PTPRQ: variants seen among roughly 807,000 people sequenced by gnomAD.
PTPRQ encodes protein tyrosine phosphatase receptor type Q.
PTPRQ carries 199 observed loss-of-function variants against 246.0 expected under a neutral mutation model. That is an observed-to-expected ratio of 0.81 (90% CI 0.72 to 0.91). PTPRQ has a LOEUF of 0.91. Ranked by LOEUF, PTPRQ falls within the 40% of genes least tolerant of loss-of-function variation. The pLI is 0.00. For synonymous variants in PTPRQ, 869 were observed against 853.2 expected (o/e 1.02, Z -0.32); for missense variants, 2,624 against 2,528.4 (o/e 1.04, Z -0.81).
At chr12:80,661,867 G>A (rs1274075806) in intron 39 of PTPRQ, among the ~76,000 whole-genome samples, 2 of 151,730 alleles carry the variant, frequency 1.3e-5, no homozygotes, top group Non-Finnish European at 2.9e-5. Flanking sequence ...TTTACAAATA[G>A]TATTCAAAAT....
At chr12:80,508,468 T>C (rs1240187555) in intron 16 of PTPRQ, among the ~76,000 whole-genome samples, 2 of 151,888 alleles carry the variant, frequency 1.3e-5, no homozygotes, top group Non-Finnish European at 2.9e-5. Context: ...AGCTGTGACA[T>C]GAAAATGAAT....
intron 17 of PTPRQ, chr12:80,525,851 T>C (rs891741258): frequency 1.3e-5 from 2 of 152,144 alleles, no homozygotes; most frequent in Non-Finnish European, 2.9e-5. Context: ...ACTTGACCTA[T>C]TGAAAAGCTC....
chr12:80,582,667 T>G (rs1282754225), intron 25 of PTPRQ, among the ~76,000 whole-genome samples: 2 of 152,134 alleles, frequency 1.3e-5, no homozygotes, highest in African/African-American at 4.8e-5. Context: ...GAAATAAATT[T>G]CTGTTGTTTG....
intron 10 of PTPRQ, 62 bp from the exon 11 acceptor site, chr12:80,494,871 A>T: frequency 6.8e-7 from 1 of 1,472,292 alleles, no homozygotes; most frequent in East Asian, 2.5e-5. Context: ...CTAAGAAAAA[A>T]ATAATTTTGA....
chr12:80,591,008 A>G (rs1304070667), intron 26 of PTPRQ, among the ~76,000 whole-genome samples: 4 of 152,074 alleles, frequency 2.6e-5, no homozygotes, highest in Non-Finnish European at 4.4e-5. Flanking sequence ...TGACCACTCA[A>G]TCTAAAAATA....
intron 8 of PTPRQ, among the ~76,000 whole-genome samples, chr12:80,480,804 C>G (rs1325659355): frequency 1.3e-5 from 2 of 152,194 alleles, no homozygotes; most frequent in African/African-American, 2.4e-5. Flanking sequence ...GACACATACA[C>G]TCTCCCAAGA....
At position 80,506,223 on chromosome 12, in the gene PTPRQ, A is replaced by T. The variant is rs1429254607; in HGVS notation, c.2455+17A>T. Reference sequence around the variant, plus strand: ...ACATTAAAGGTAAAAGAACAAATCTAATATTGGATATTTGCATTTATAATG... The same window carrying T: ...ACATTAAAGGTAAAAGAACAAATCTTATATTGGATATTTGCATTTATAATG... On this transcript the variant is annotated intron_variant, in intron 15 of 44. Transcript: ENST00000644991. The T allele has an allele frequency of 1.2e-5, 18 of 1,446,250 alleles. No individual in the cohort carries two copies. Among genetic ancestry groups the T allele is most frequent in the Non-Finnish European group, 1.6e-5 (18 of 1,093,268 alleles). 89.6% of individuals were successfully genotyped at this position (1,446,250 alleles called of 1,614,324 possible).
At chr12:80,544,187 C>G (rs1392343267) in intron 23 of PTPRQ, among the ~76,000 whole-genome samples, 2 of 152,022 alleles carry the variant, frequency 1.3e-5, no homozygotes, top group Non-Finnish European at 2.9e-5. Context: ...TTGCTTACCT[C>G]TTAATGCAAA....
intron 6 of PTPRQ, among the ~76,000 whole-genome samples, chr12:80,464,077 T>A (rs1893309633): frequency 6.6e-6 from 1 of 151,642 alleles, no homozygotes; most frequent in African/African-American, 2.4e-5. Flanking sequence ...GACTGGCAAA[T>A]TAGATAAAGA....
chr12:80,483,755 C>T (rs1008903282), intron 8 of PTPRQ, among the ~76,000 whole-genome samples: 2 of 151,616 alleles, frequency 1.3e-5, no homozygotes, highest in Non-Finnish European at 2.9e-5. Flanking sequence ...CACCGACAGG[C>T]CCCGGTGTAT....
At position 80,588,340 on chromosome 12, in the gene PTPRQ, G is replaced by C; in HGVS notation, c.4497G>C (p.Glu1499Asp). ...QYLYEAHLTE[E>D]TVYGLKKFRW... ...TCTATGAAGCTCACTTAACTGAAGA[G>C]ACAGTATATGGATTAAAGAAATTTA... is the stretch of plus-strand genomic sequence containing the variant. Residue 1499 changes from glutamate to aspartate, a missense_variant, in exon 26 of 45, where the codon GAG (glutamate) becomes GAC (aspartate). By Grantham distance (45) the Glu-to-Asp change is conservative. Coordinates refer to ENST00000644991, the MANE Select transcript of PTPRQ (RefSeq NM_001145026.2). 6.4e-7 allele frequency: 1 copy of C among 1,551,332 alleles called. No individual in the cohort carries two copies. Among genetic ancestry groups the C allele is most frequent in the Non-Finnish European group, 8.7e-7 (1 of 1,146,814 alleles).
intron 17 of PTPRQ, among the ~76,000 whole-genome samples, chr12:80,532,887 G>A (rs1452317679): frequency 6.6e-6 from 1 of 152,130 alleles, no homozygotes; most frequent in Non-Finnish European, 1.5e-5. Context: ...TGGTGCTTCT[G>A]TGGCAGTAAA....
intron 23 of PTPRQ, among the ~76,000 whole-genome samples, chr12:80,545,959 T>G (rs7294983): frequency 6.6e-6 from 1 of 151,812 alleles, no homozygotes; most frequent in East Asian, 1.9e-4. Flanking sequence ...ATTATGCAAA[T>G]TAAAAAAAAT....
intron 33 of PTPRQ, among the ~76,000 whole-genome samples, chr12:80,628,798 A>G (rs182131588): frequency 8.5e-5 from 13 of 152,302 alleles, no homozygotes; most frequent in Admixed American, 7.8e-4. Context: ...AAAATAAGAT[A>G]AAGTTATGGA....
In PTPRQ at chr12:80,592,883, C is replaced by A. The variant is rs149747770; in HGVS notation, c.4609+4431C>A. ...AAAATTATCCGAACATGGTGGTGGG[C>A]ACCTGTAATCCCAACTCCTTGGGAG... On this transcript the variant is annotated intron_variant, in intron 26 of 44. Coordinates refer to ENST00000644991, the MANE Select transcript of PTPRQ (RefSeq NM_001145026.2). Among the ~76,000 whole-genome samples, 8 of 152,074 alleles carry A rather than the reference C, an allele frequency of 5.3e-5. 2 individuals carry two copies. Among genetic ancestry groups the A allele is most frequent in the African/African-American group, 1.9e-4 (8 of 41,506 alleles).
chr12:80,455,962 G>A (rs1892969224), intron 3 of PTPRQ, among the ~76,000 whole-genome samples: 1 of 152,040 alleles, frequency 6.6e-6, no homozygotes, highest in Non-Finnish European at 1.5e-5. Flanking sequence ...AGAAAGATGA[G>A]CTTATAAAAA....
At chr12:80,621,991 C>T in intron 32 of PTPRQ, 70 bp from the exon 33 acceptor site, 2 of 1,050,014 alleles carry the variant, frequency 1.9e-6, no homozygotes. Flanking sequence ...TTTATAATTA[C>T]TTCTTGAGTT....
intron 25 of PTPRQ, among the ~76,000 whole-genome samples, chr12:80,580,516 G>T (rs577509297): frequency 6.6e-6 from 1 of 152,074 alleles, no homozygotes; most frequent in African/African-American, 2.4e-5. Context: ...ATTCAATAGG[G>T]CAGTTGCCTT....
intron 25 of PTPRQ, among the ~76,000 whole-genome samples, chr12:80,579,100 A>G (rs1348903575): frequency 6.6e-6 from 1 of 152,172 alleles, no homozygotes; most frequent in East Asian, 1.9e-4. Context: ...TTAACCTACC[A>G]GATCATTGTA....
Sources: gnomAD v4.1 joint callset for allele counts (sites outside exome capture counted in the v4.1 genomes callset) on GRCh38, gnomAD v4.1.1 for gene constraint, MANE v1.5 for transcripts, NCBI Gene and HGNC (gene_info 2026-07-23, HGNC 2026-07-21) for gene names.